RASEF: variants seen among roughly 807,000 people sequenced by gnomAD.
RASEF encodes ras and EF-hand domain-containing protein.
Under a neutral mutation model 90.1 loss-of-function variants are expected in RASEF, and 68 were observed. That is an observed-to-expected ratio of 0.75 (90% CI 0.62 to 0.92). The LOEUF (loss-of-function observed/expected upper bound fraction) is 0.92. Among genes scored for constraint, RASEF ranks in the 40% least tolerant of loss-of-function variants. The pLI, the probability that RASEF is intolerant of heterozygous loss-of-function variation, is 0.00. For synonymous variants in RASEF, 331 were observed against 345.2 expected, an observed-to-expected ratio of 0.96 and a Z score of 0.46; for missense variants, 949 against 937.2, an observed-to-expected ratio of 1.01 and a Z score of -0.16.
chr9:83,185,022 A>G, the RASEF span, among the ~76,000 whole-genome samples: 1 of 152,146 alleles, frequency 6.6e-6, no homozygotes. Context: ...GTGGGGCCAG[A>G]AATCTGTTTT....
the RASEF span, among the ~76,000 whole-genome samples, chr9:83,162,915 C>G: frequency 6.6e-6 from 1 of 152,226 alleles, no homozygotes; most frequent in Non-Finnish European, 1.5e-5. Context: ...AGGAACTTGA[C>G]AAGGTTCTCA....
At chr9:83,030,314 G>T (rs1156966793) in intron 1 of RASEF, among the ~76,000 whole-genome samples, 1 of 151,020 alleles carries the variant, frequency 6.6e-6, no homozygotes. Context: ...CCAAGATCAT[G>T]TTACTGCACT....
At chr9:83,184,389 G>A in the RASEF span, among the ~76,000 whole-genome samples, 3 of 152,180 alleles carry the variant, frequency 2.0e-5, no homozygotes, top group Non-Finnish European at 2.9e-5. Context: ...AATGAGATGG[G>A]AGGGCGGTGT....
intron 14 of RASEF, among the ~76,000 whole-genome samples, chr9:82,994,387 T>C (rs1015007137): frequency 1.3e-5 from 2 of 152,240 alleles, no homozygotes; most frequent in African/African-American, 4.8e-5. Flanking sequence ...CCTTCAAGTC[T>C]TGACTTAAAT....
chr9:83,101,412 G>T, the RASEF span, among the ~76,000 whole-genome samples: 3 of 152,316 alleles, frequency 2.0e-5, no homozygotes, highest in East Asian at 5.8e-4. Context: ...CTTCTATTTT[G>T]TGAAGACTGA....
the RASEF span, among the ~76,000 whole-genome samples, chr9:83,141,016 A>G: frequency 7.0e-4 from 106 of 151,806 alleles, no homozygotes; most frequent in African/African-American, 2.4e-3. Context: ...GGTGGTGCAC[A>G]CCTGTAATTC....
the RASEF span, among the ~76,000 whole-genome samples, chr9:83,084,581 AT>A: frequency 6.6e-6 from 1 of 152,198 alleles, no homozygotes; most frequent in African/African-American, 2.4e-5. Context: ...TAGGGAAGCT[AT>A]TGGCAACCAT....
chr9:83,177,756 G>A, the RASEF span, among the ~76,000 whole-genome samples: 10 of 151,950 alleles, frequency 6.6e-5, no homozygotes, highest in African/African-American at 2.4e-4. Context: ...ATTAGAGTTT[G>A]TTGAGCTTCT....
At chr9:83,147,026 G>GTATATATATATGTA in the RASEF span, among the ~76,000 whole-genome samples, 1 of 118,114 alleles carries the variant, frequency 8.5e-6, no homozygotes, top group Admixed American at 9.0e-5. Flanking sequence ...GTGTGTGTGT[G>GTATATATATATGTA]TGTATATATA....
the RASEF span, among the ~76,000 whole-genome samples, chr9:83,170,861 C>T: frequency 6.6e-6 from 1 of 151,886 alleles, no homozygotes; most frequent in African/African-American, 2.4e-5. Context: ...GATCATATTA[C>T]CTGCAAACAA....
chr9:83,045,521 T>C (rs1457898415), intron 1 of RASEF, among the ~76,000 whole-genome samples: 1 of 152,204 alleles, frequency 6.6e-6, no homozygotes, highest in Admixed American at 6.5e-5. Flanking sequence ...CTAAAGCACT[T>C]TTATTATCCT....
At chr9:83,052,291 G>T (rs1418231028) in intron 1 of RASEF, among the ~76,000 whole-genome samples, 1 of 141,828 alleles carries the variant, frequency 7.1e-6, no homozygotes, top group Non-Finnish European at 1.5e-5. Context: ...ATGTGTCGAG[G>T]AATGTATCCA....
chr9:83,077,866 G>A, the RASEF span, among the ~76,000 whole-genome samples: 1 of 152,188 alleles, frequency 6.6e-6, no homozygotes, highest in Non-Finnish European at 1.5e-5. Context: ...AGCAGCCCAG[G>A]AAACAAGGGA....
At position 83,049,428 on chromosome 9, in the gene RASEF, C is replaced by T. The variant is rs867550914; in HGVS notation, c.431+13009G>A. On this transcript the variant is annotated intron_variant, in intron 1 of 16. Coordinates refer to ENST00000376447, the MANE Select transcript of RASEF (RefSeq NM_152573.4). ...TATGATCAAAAGCCCATTCTCCCAT[C>T]ACTTTTCTATTTAGACCACAGAAAA... 52 of 711,704 alleles carry T rather than the reference C, an allele frequency of 7.3e-5. No homozygotes were observed. The African/African-American group carries it at 9.8e-4, about 13-fold the overall frequency. The allele number at this position is 711,704 out of a possible 1,614,324, so 44.1% of individuals were successfully genotyped here.
At chr9:83,176,220 C>A in the RASEF span, among the ~76,000 whole-genome samples, 2,969 of 152,286 alleles carry the variant, frequency 0.019, 99 homozygotes, top group African/African-American at 0.068. Flanking sequence ...ACATCTTCCT[C>A]ATAGATTGGC....
At chr9:83,157,496 C>T in the RASEF span, among the ~76,000 whole-genome samples, 1 of 152,116 alleles carries the variant, frequency 6.6e-6, no homozygotes, top group Non-Finnish European at 1.5e-5. Flanking sequence ...TGTTATAACA[C>T]ACTGAGAAGG....
chr9:83,088,824 T>C, the RASEF span, among the ~76,000 whole-genome samples: 1 of 152,034 alleles, frequency 6.6e-6, no homozygotes, highest in Non-Finnish European at 1.5e-5. Flanking sequence ...GAATCACAAG[T>C]GAATCTCTTA....
At chr9:83,017,424 C>G (rs569155651) in intron 3 of RASEF, among the ~76,000 whole-genome samples, 4 of 151,624 alleles carry the variant, frequency 2.6e-5, no homozygotes, top group African/African-American at 9.7e-5. Context: ...GGCGTGAACC[C>G]GGGAGGTGGA....
At chr9:83,141,143 C>CAAAA in the RASEF span, among the ~76,000 whole-genome samples, 12 of 108,884 alleles carry the variant, frequency 1.1e-4, no homozygotes, top group African/African-American at 4.1e-4. Context: ...AATTCCATCT[C>CAAAA]AAAAAAAAAA....
Sources: gnomAD v4.1 joint callset for allele counts (sites outside exome capture counted in the v4.1 genomes callset) on GRCh38, gnomAD v4.1.1 for gene constraint, MANE v1.5 for transcripts, NCBI Gene and HGNC (gene_info 2026-07-23, HGNC 2026-07-21) for gene names.